Variants in CUEDC1 observed in about 807,000 individuals in gnomAD.
CUEDC1 encodes the protein CUE domain-containing protein 1.
CUEDC1 carries 30 observed loss-of-function variants against 43.7 expected under a neutral mutation model. The ratio of observed to expected loss-of-function variants is 0.69; its 90% CI spans 0.51 to 0.93. The LOEUF (loss-of-function observed/expected upper bound fraction) is 0.93. CUEDC1 is among the 40% of genes least tolerant of loss of function. CUEDC1 has a pLI of 0.00. For missense variants in CUEDC1, 486 were observed against 549.0 expected (o/e 0.89, Z 1.15); for synonymous variants, 223 against 223.6 (o/e 1.00, Z 0.02).
At chr17:57,902,461 C>T (rs541380650) in intron 1 of CUEDC1, among the ~76,000 whole-genome samples, 8 of 152,294 alleles carry the variant, frequency 5.3e-5, no homozygotes, top group South Asian at 2.1e-4. Flanking sequence ...ACCCACAGCC[C>T]GGACACGGGT....
rs370021887 is a variant in CUEDC1, at chr17:57,896,484, T to TGGGGG, written c.-315-10606_-315-10605insCCCCC. ...ATAGTCACTCTACTATAGTGCATTA[T>TGGGGG]GGGGTGTGTGTGTGTGTGTGTGTGT... On this transcript the variant is annotated intron_variant, in intron 1 of 10. Coordinates refer to ENST00000577830, the MANE Select transcript of CUEDC1 (RefSeq NM_001271875.2). Among the ~76,000 whole-genome samples the TGGGGG allele has an allele frequency of 8.0e-3, 491 of 61,166 alleles. 16 individuals carry two copies. The highest frequency in any genetic ancestry group is 0.023 in the South Asian group (31 of 1,364). 40.1% of individuals were successfully genotyped at this position (61,166 alleles called of 152,430 possible).
chr17:57,907,136 C>T (rs2074537579), intron 1 of CUEDC1, among the ~76,000 whole-genome samples: 1 of 152,158 alleles, frequency 6.6e-6, no homozygotes, highest in African/African-American at 2.4e-5. Context: ...GACAATGACA[C>T]CCCTGTTGAC....
chr17:57,922,813 A>G (rs1270694129), intron 1 of CUEDC1, among the ~76,000 whole-genome samples: 1 of 152,112 alleles, frequency 6.6e-6, no homozygotes, highest in Non-Finnish European at 1.5e-5. Flanking sequence ...TCCCAAAGAC[A>G]GGGGTCTAAA....
chr17:57,873,582 C>G lies in CUEDC1; in HGVS notation c.591+9G>C. 6.5e-7 allele frequency: 1 copy of G among 1,544,080 alleles called. No homozygotes were observed. Among genetic ancestry groups the G allele is most frequent in the Non-Finnish European group, 8.7e-7 (1 of 1,143,060 alleles). The stretch of plus-strand genomic sequence containing the variant: ...GGTGGGAGTGGAAGGCGGGGGCGGC[C>G]CCTGTTACCTGTATGCTGTCCAGCT... On this transcript the variant is annotated intron_variant, in intron 4 of 10. Coordinates refer to ENST00000577830, the MANE Select transcript of CUEDC1 (RefSeq NM_001271875.2).
intron 1 of CUEDC1, among the ~76,000 whole-genome samples, chr17:57,896,487 G>GGGGGGGGGTGTGTGTGT (rs375270781): frequency 3.8e-5 from 5 of 130,282 alleles, no homozygotes; most frequent in Non-Finnish European, 8.0e-5. Flanking sequence ...TGCATTATGG[G>GGGGGGGGGTGTGTGTGT]GTGTGTGTGT....
chr17:57,871,739 C>A (rs1020504083), intron 5 of CUEDC1, among the ~76,000 whole-genome samples: 1 of 152,196 alleles, frequency 6.6e-6, no homozygotes, highest in Non-Finnish European at 1.5e-5. Context: ...GCCTGGCCAA[C>A]ATGGTGAAAC....
At chr17:57,924,395 C>T (rs1567719208) in intron 1 of CUEDC1, among the ~76,000 whole-genome samples, 4 of 152,030 alleles carry the variant, frequency 2.6e-5, no homozygotes, top group African/African-American at 7.3e-5. Flanking sequence ...TGAGCCACCG[C>T]GCCGGGCCTC....
intron 3 of CUEDC1, among the ~76,000 whole-genome samples, chr17:57,874,852 T>G (rs1597973832): frequency 1.5e-5 from 2 of 129,208 alleles, no homozygotes; most frequent in Admixed American, 7.6e-5. Context: ...TTCGGGCGGG[T>G]GGCCGGCGGC....
intron 1 of CUEDC1, among the ~76,000 whole-genome samples, chr17:57,948,122 G>C (rs1319671411): frequency 6.6e-6 from 1 of 152,194 alleles, no homozygotes; most frequent in African/African-American, 2.4e-5. Context: ...TGGATTATCT[G>C]TTATTTACTC....
chr17:57,918,189 T>G (rs2074663022), intron 1 of CUEDC1, among the ~76,000 whole-genome samples: 1 of 152,130 alleles, frequency 6.6e-6, no homozygotes, highest in African/African-American at 2.4e-5. Context: ...CCCACCAGAG[T>G]ACATGTGCAA....
intron 6 of CUEDC1, among the ~76,000 whole-genome samples, chr17:57,870,763 A>G (rs954875740): frequency 7.9e-5 from 12 of 151,654 alleles, no homozygotes; most frequent in Non-Finnish European, 1.6e-4. Flanking sequence ...TGCAGCCTCA[A>G]CCTCCTGGGC....
intron 1 of CUEDC1, among the ~76,000 whole-genome samples, chr17:57,926,547 A>G (rs7216044): frequency 0.15 from 23,256 of 152,100 alleles, 1,938 homozygotes; most frequent in Non-Finnish European, 0.17. Flanking sequence ...AATGCCAGCA[A>G]TTTGGGAGGC....
chr17:57,935,424 C>G (rs969787481), intron 1 of CUEDC1, among the ~76,000 whole-genome samples: 4 of 151,954 alleles, frequency 2.6e-5, no homozygotes, highest in Non-Finnish European at 5.9e-5. Flanking sequence ...CACACACACC[C>G]TGTTGCCTAG....
intron 2 of CUEDC1, among the ~76,000 whole-genome samples, chr17:57,881,942 C>T (rs2074210848): frequency 6.6e-6 from 1 of 152,210 alleles, no homozygotes; most frequent in Admixed American, 6.5e-5. Context: ...GTAACCCCAG[C>T]AGCACTGCTG....
Position 57,890,811 on chromosome 17 carries a change from C to T in CUEDC1, c.-315-4932G>A, listed in dbSNP as rs191834612. On this transcript the variant is annotated intron_variant, in intron 1 of 10. Coordinates refer to ENST00000577830, the MANE Select transcript of CUEDC1 (RefSeq NM_001271875.2). ...CTCCTGCCTGGTACATCAGGGCCAG[C>T]GAGGGTCTGCATGGGGGCTATGAGA... Among the ~76,000 whole-genome samples the T allele has an allele frequency of 3.2e-3, 495 of 152,320 alleles. 8 individuals are homozygous for T. Among genetic ancestry groups the T allele is most frequent in the Admixed American group, 6.5e-3 (99 of 15,302 alleles).
At chr17:57,923,191 T>C (rs1054933983) in intron 1 of CUEDC1, among the ~76,000 whole-genome samples, 5 of 152,190 alleles carry the variant, frequency 3.3e-5, no homozygotes, top group Admixed American at 6.5e-5. Context: ...CACTGGTCCA[T>C]GGCACCCAAA....
At chr17:57,911,191 C>T (rs2074579747) in intron 1 of CUEDC1, among the ~76,000 whole-genome samples, 1 of 152,198 alleles carries the variant, frequency 6.6e-6, no homozygotes, top group Non-Finnish European at 1.5e-5. Flanking sequence ...GGGGTGAGGT[C>T]CAAGAATCTG....
At chr17:57,896,487 G>GGGGT (rs375270781) in intron 1 of CUEDC1, among the ~76,000 whole-genome samples, 3,400 of 130,292 alleles carry the variant, frequency 0.026, 145 homozygotes, top group East Asian at 0.15. Context: ...TGCATTATGG[G>GGGGT]GTGTGTGTGT....
intron 1 of CUEDC1, 53 bp from the exon 2 acceptor site, chr17:57,885,932 G>T: frequency 5.5e-6 from 1 of 180,580 alleles, no homozygotes; most frequent in Non-Finnish European, 1.1e-5. Context: ...CATGAGCTCA[G>T]GGTGGCGGCC....
Sources: allele counts gnomAD v4.1 joint callset (sites outside exome capture counted in the v4.1 genomes callset), GRCh38; gene constraint gnomAD v4.1.1; transcripts MANE v1.5; gene names NCBI Gene and HGNC (gene_info 2026-07-23, HGNC 2026-07-21).